B4GALNT2: variants seen among roughly 807,000 people sequenced by gnomAD.
B4GALNT2 encodes the protein N-acetylneuraminylgalactosylglucosyl-glucoside beta-1,4-N- acetylgalactosaminyltransferase 2.
B4GALNT2 carries 42 observed loss-of-function variants against 51.1 expected under a neutral mutation model. The observed-to-expected ratio is 0.82, with a 90% CI of 0.64 to 1.06. The LOEUF (loss-of-function observed/expected upper bound fraction) is 1.06, where lower values mean the gene tolerates loss of function less well. Ranked by LOEUF, B4GALNT2 falls within the 50% of genes least tolerant of loss-of-function variation. The pLI is 0.00. For synonymous variants in B4GALNT2, 253 were observed against 251.7 expected (o/e 1.01, Z -0.05); for missense variants, 602 against 633.6 (o/e 0.95, Z 0.54).
rs570558426 is a variant in B4GALNT2, at chr17:49,154,298, G to T, written c.460+1392G>T. 8.5e-5 allele frequency among the ~76,000 whole-genome samples: 13 copies of T among 152,284 alleles called. No individual in the cohort carries two copies. The East Asian group carries it at 2.3e-3, about 27-fold the overall frequency. ...TTACAGGCATGAGCCACTGAGCCTG[G>T]CCGGGAGTGCATTGTGAAAAGAATA... On this transcript the variant is annotated intron_variant, in intron 4 of 10. Transcript: ENST00000393354.
rs527904528 is a variant in B4GALNT2 at position 49,132,776 on chromosome 17, G to C, written c.-17G>C. On this transcript the variant is annotated 5_prime_UTR_variant, in exon 1 of 11. Coordinates refer to ENST00000393354, the MANE Select transcript of B4GALNT2 (RefSeq NM_001159387.2). ...GGCTCCGTGACATCCGGCAGTCTGA[G>C]GGCGGCGGGATTCGGGATGACTTCG... is the stretch of plus-strand genomic sequence containing the variant. 6.8e-5 allele frequency: 94 copies of C among 1,386,666 alleles called. No homozygotes were observed. The highest frequency in any genetic ancestry group is 7.3e-5 in the Non-Finnish European group (78 of 1,068,724). 85.9% of individuals were successfully genotyped at this position (1,386,666 alleles called of 1,614,324 possible).
At chr17:49,132,737 C>T, upstream of B4GALNT2, 2 of 1,382,190 alleles carry the variant, frequency 1.4e-6, no homozygotes, top group Non-Finnish European at 1.9e-6. Flanking sequence ...GGGCAGTCGG[C>T]GGCCTGGCTG....
At chr17:49,134,198 A>T (rs12449904) in intron 1 of B4GALNT2, among the ~76,000 whole-genome samples, 1 of 151,988 alleles carries the variant, frequency 6.6e-6, no homozygotes, top group Non-Finnish European at 1.5e-5. Context: ...GGAATCATGC[A>T]TAAAAGGTCT....
upstream of B4GALNT2, among the ~76,000 whole-genome samples, chr17:49,128,087 T>C (rs2042519488): frequency 6.6e-6 from 1 of 152,194 alleles, no homozygotes; most frequent in South Asian, 2.1e-4. Flanking sequence ...GTTAGAATTA[T>C]ATAAATGTCA....
intron 4 of B4GALNT2, among the ~76,000 whole-genome samples, chr17:49,154,021 T>TG (rs1567861945): frequency 2.1e-5 from 3 of 145,064 alleles, no homozygotes; most frequent in Non-Finnish European, 4.5e-5. Context: ...TTTTTTTTTT[T>TG]TGGGGACGGA....
Position 49,164,195 on chromosome 17 carries a change from G to T in B4GALNT2, c.874G>T (p.Val292Leu), listed in dbSNP as rs747935309. 1 of 1,613,738 alleles carries T rather than the reference G, an allele frequency of 6.2e-7. No homozygotes were observed. The highest frequency in any genetic ancestry group is 8.5e-7 in the Non-Finnish European group (1 of 1,179,642). ...TCGAGAGTATTACCCAGACTTGACC[G>T]TAATAGTGGCTGATGACAGCCAGAA... ...SIREYYPDLTVIVADDSQKPL... is the reference protein window; with the variant it reads ...SIREYYPDLTLIVADDSQKPL... The change falls in exon 8 of 11, where the codon GTA (valine) becomes TTA (leucine). Residue 292 changes from valine (V) to leucine (L), a missense_variant. Transcript: ENST00000393354.
the B4GALNT2 span, among the ~76,000 whole-genome samples, chr17:49,124,259 G>A: frequency 3.9e-5 from 6 of 152,110 alleles, no homozygotes; most frequent in East Asian, 1.9e-4. Flanking sequence ...TTAGCTCTTC[G>A]AGAGTCCTGA....
In B4GALNT2 at chr17:49,146,577, C is replaced by T. The variant is rs144571094; in HGVS notation, c.353+4405C>T. Among the ~76,000 whole-genome samples, 427 of 152,338 alleles carry T rather than the reference C, an allele frequency of 2.8e-3. 3 individuals are homozygous for T. The highest frequency in any genetic ancestry group is 9.8e-3 in the African/African-American group (407 of 41,582). ...CCACCCACCTTGGCCTCCCAAAGTG[C>T]TGGGATTACAGGCGTGAGCCACCAT... is the stretch of plus-strand genomic sequence containing the variant. On this transcript the variant is annotated intron_variant, in intron 3 of 10. Coordinates refer to ENST00000393354, the MANE Select transcript of B4GALNT2 (RefSeq NM_001159387.2).
chr17:49,152,538 T>G (rs2042767825), intron 3 of B4GALNT2, among the ~76,000 whole-genome samples: 1 of 152,124 alleles, frequency 6.6e-6, no homozygotes, highest in South Asian at 2.1e-4. Context: ...TAGCCGGGCG[T>G]GGAGGCGCAC....
chr17:49,125,725 G>A, the B4GALNT2 span, among the ~76,000 whole-genome samples: 10 of 117,476 alleles, frequency 8.5e-5, no homozygotes, highest in Non-Finnish European at 1.1e-4. Context: ...CCGCCGGGCC[G>A]GCCGCCCCGT....
At chr17:49,134,441 A>T (rs982343078) in intron 1 of B4GALNT2, among the ~76,000 whole-genome samples, 42 of 152,296 alleles carry the variant, frequency 2.8e-4, no homozygotes, top group African/African-American at 6.0e-4. Context: ...GTCTTGCTCC[A>T]TCACCCAGGC....
chr17:49,136,722 T>C (rs2042593816), intron 1 of B4GALNT2, among the ~76,000 whole-genome samples: 1 of 152,048 alleles, frequency 6.6e-6, no homozygotes, highest in Admixed American at 6.6e-5. Flanking sequence ...AATTTTTGTA[T>C]TTTTAGTGGA....
intron 9 of B4GALNT2, among the ~76,000 whole-genome samples, chr17:49,166,512 G>A (rs908696178): frequency 6.6e-6 from 1 of 152,084 alleles, no homozygotes; most frequent in Admixed American, 6.5e-5. Context: ...TTTTAAAATT[G>A]TGTGTTTATG....
chr17:49,159,279 T>C, intron 6 of B4GALNT2, 62 bp downstream of exon 6: 3 of 1,510,456 alleles, frequency 2.0e-6, no homozygotes, highest in Non-Finnish European at 2.7e-6. Flanking sequence ...CTGGGCCCTT[T>C]CAAAGTCTTC....
intron 1 of B4GALNT2, chr17:49,133,263 C>T: frequency 1.3e-5 from 19 of 1,441,680 alleles, no homozygotes; most frequent in Non-Finnish European, 1.6e-5. Context: ...TGTGGACAGT[C>T]GGGGAGCCCG....
Position 49,156,581 on chromosome 17 carries a change from G to A in B4GALNT2, c.476G>A (p.Gly159Glu). Residue 159 changes from glycine (G) to glutamate (E), a missense_variant, in exon 5 of 11, where the codon GGA (glycine) becomes GAA (glutamate). By Grantham distance (98) the Gly-to-Glu change is moderately conservative. Coordinates refer to ENST00000393354, the MANE Select transcript of B4GALNT2 (RefSeq NM_001159387.2). ...TVPIPGLQFEGPDAPVYEVTL... is the reference protein window; with the variant it reads ...TVPIPGLQFEEPDAPVYEVTL... ...TGTCCTCCAGGCCTCCAGTTTGAAG[G>A]ACCCGATGCCCCCGTCTATGAGGTG... 1.2e-6 allele frequency: 2 copies of A among 1,613,736 alleles called. No homozygotes were observed. The highest frequency in any genetic ancestry group is 1.7e-6 in the Non-Finnish European group (2 of 1,179,898).
chr17:49,149,793 T>A (rs1316816905), intron 3 of B4GALNT2, among the ~76,000 whole-genome samples: 1 of 152,218 alleles, frequency 6.6e-6, no homozygotes, highest in African/African-American at 2.4e-5. Context: ...GGTGTGCCTT[T>A]TTTATTTTTG....
intron 1 of B4GALNT2, among the ~76,000 whole-genome samples, chr17:49,136,070 G>A (rs942133583): frequency 7.1e-5 from 10 of 140,446 alleles, no homozygotes; most frequent in African/African-American, 1.1e-4. Flanking sequence ...GCAACAGAGC[G>A]AGACTCTGGA....
chr17:49,125,568 G>A, the B4GALNT2 span, among the ~76,000 whole-genome samples: 1 of 151,832 alleles, frequency 6.6e-6, no homozygotes, highest in Non-Finnish European at 1.5e-5. Context: ...GCCGCCATCC[G>A]GTCTGGGAGG....
Sources: gnomAD v4.1 joint callset for allele counts (sites outside exome capture counted in the v4.1 genomes callset) on GRCh38, gnomAD v4.1.1 for gene constraint, MANE v1.5 for transcripts, NCBI Gene and HGNC (gene_info 2026-07-23, HGNC 2026-07-21) for gene names.